Variants in TRPC5 observed in about 807,000 individuals in gnomAD.
The protein encoded by TRPC5 is transient receptor potential cation channel subfamily C member 5, also known as short transient receptor potential channel 5.
A neutral mutation model predicts 56.5 loss-of-function variants in TRPC5; 9 were observed. The ratio of observed to expected loss-of-function variants is 0.16; its 90% CI spans 0.10 to 0.28. The LOEUF (loss-of-function observed/expected upper bound fraction) is 0.28, where lower values mean the gene tolerates loss of function less well. TRPC5 is among the 10% of genes least tolerant of loss of function. The pLI is 1.00. For synonymous variants in TRPC5, 282 were observed against 278.5 expected, an observed-to-expected ratio of 1.01 and a Z score of -0.13; for missense variants, 469 against 748.9, an observed-to-expected ratio of 0.63 and a Z score of 4.36.
intron 7 of TRPC5, among the ~76,000 whole-genome samples, chrX:111,794,057 G>C (rs375808798): frequency 9.0e-6 from 1 of 111,601 alleles, no homozygotes; most frequent in Admixed American, 9.5e-5. Context: ...AGCAGGAGAA[G>C]GGAATAGGGG....
At chrX:111,794,953 T>C (rs1037054417) in intron 7 of TRPC5, among the ~76,000 whole-genome samples, 2 of 111,676 alleles carry the variant, frequency 1.8e-5, no homozygotes, top group African/African-American at 6.5e-5. Flanking sequence ...TTACCAATGA[T>C]TTATTGCTAG....
intron 1 of TRPC5, among the ~76,000 whole-genome samples, chrX:112,001,397 C>A (rs112685088): frequency 0.04 from 4,516 of 111,744 alleles, 94 homozygotes; most frequent in African/African-American, 0.073. Flanking sequence ...GTGAGAATTA[C>A]ATAAGTTAAG....
chrX:112,058,806 T>A (rs1930396763), intron 1 of TRPC5, among the ~76,000 whole-genome samples: 1 of 111,907 alleles, frequency 8.9e-6, no homozygotes, highest in South Asian at 3.8e-4. Flanking sequence ...TCTTTTTGAG[T>A]ACTCATTACA....
At chrX:111,912,861 G>A (rs769719458) in intron 2 of TRPC5, 49 bp from the exon 3 acceptor site, 2 of 1,144,346 alleles carry the variant, frequency 1.7e-6, no homozygotes, top group Non-Finnish European at 2.3e-6. Context: ...AAAGTTTGGA[G>A]AGAGAAGCAT....
chrX:111,830,951 C>G (rs971103417), intron 7 of TRPC5, among the ~76,000 whole-genome samples: 1 of 112,347 alleles, frequency 8.9e-6, no homozygotes, highest in African/African-American at 3.2e-5. Context: ...ATCCCTTTTG[C>G]CACATAATAC....
intron 7 of TRPC5, among the ~76,000 whole-genome samples, chrX:111,784,369 C>T (rs960142172): frequency 1.8e-5 from 2 of 111,908 alleles, no homozygotes; most frequent in East Asian, 2.8e-4. Context: ...ACTCATAGAA[C>T]GTGAGAAAAT....
At chrX:111,858,247 C>T (rs915195734) in intron 3 of TRPC5, among the ~76,000 whole-genome samples, 2 of 111,443 alleles carry the variant, frequency 1.8e-5, no homozygotes, top group Non-Finnish European at 1.9e-5. Context: ...CTAGTCGATT[C>T]TAAGAACGCC....
intron 1 of TRPC5, among the ~76,000 whole-genome samples, chrX:112,006,306 A>G (rs1439488666): frequency 1.8e-5 from 2 of 112,098 alleles, no homozygotes; most frequent in African/African-American, 6.5e-5. Flanking sequence ...AGTGACTTTT[A>G]GAACTACTCA....
chrX:111,906,007 G>A (rs1237498076), intron 3 of TRPC5, among the ~76,000 whole-genome samples: 1 of 110,177 alleles, frequency 9.1e-6, no homozygotes, highest in Non-Finnish European at 1.9e-5. Context: ...AGGTGGACAA[G>A]GGGGCCACAG....
rs138628181 is a variant in TRPC5, at chrX:111,943,426, G to C, written c.378+8617C>G. The stretch of plus-strand genomic sequence containing the variant: ...TCAGTCTGAGACAAAAAAACAGATA[G>C]GAGGAGTAAATGAAGTGTCCTGTTG... On this transcript the variant is annotated intron_variant, in intron 2 of 10. Transcript: ENST00000262839. 6.5e-3 allele frequency among the ~76,000 whole-genome samples: 729 copies of C among 111,919 alleles called. 4 individuals are homozygous for C. The highest frequency in any genetic ancestry group is 0.023 in the African/African-American group (699 of 30,787).
chrX:111,829,707 G>A (rs1050962782), intron 7 of TRPC5, among the ~76,000 whole-genome samples: 1 of 112,828 alleles, frequency 8.9e-6, no homozygotes, highest in African/African-American at 3.2e-5. Context: ...TTGGTCCTGT[G>A]GGTGGGCAGA....
intron 1 of TRPC5, among the ~76,000 whole-genome samples, chrX:111,959,511 T>C (rs914452450): frequency 8.1e-5 from 9 of 111,467 alleles, no homozygotes; most frequent in Non-Finnish European, 1.5e-4. Context: ...ACAAAAAATA[T>C]ATGACATATA....
At chrX:112,073,208 G>A (rs1930756698) in intron 1 of TRPC5, among the ~76,000 whole-genome samples, 1 of 111,165 alleles carries the variant, frequency 9.0e-6, no homozygotes, top group Admixed American at 9.5e-5. Flanking sequence ...ATCTGCTTTT[G>A]TCTCTCTTCT....
intron 7 of TRPC5, among the ~76,000 whole-genome samples, chrX:111,790,986 C>T (rs780421041): frequency 3.4e-5 from 3 of 88,221 alleles, no homozygotes; most frequent in Admixed American, 2.8e-4. Flanking sequence ...CACCACTGCA[C>T]TCCAACCTGG....
intron 3 of TRPC5, among the ~76,000 whole-genome samples, chrX:111,856,832 A>G (rs1192361406): frequency 9.2e-6 from 1 of 108,313 alleles, no homozygotes; most frequent in Admixed American, 1.0e-4. Context: ...AAAAAAAAAA[A>G]AAAACCATAG....
intron 3 of TRPC5, chrX:111,903,367 A>G (rs1357671860): frequency 1.8e-5 from 2 of 112,307 alleles, no homozygotes; most frequent in Non-Finnish European, 3.8e-5. Context: ...AAATTAATAA[A>G]TTGTCAACAG....
At chrX:111,986,316 G>T (rs1199722167) in intron 1 of TRPC5, among the ~76,000 whole-genome samples, 2 of 99,903 alleles carry the variant, frequency 2.0e-5, no homozygotes, top group Non-Finnish European at 4.5e-5. Context: ...TCAACTTTAT[G>T]TTCCAGGTAC....
intron 1 of TRPC5, among the ~76,000 whole-genome samples, chrX:112,080,540 G>A (rs190159744): frequency 5.4e-5 from 6 of 110,706 alleles, no homozygotes; most frequent in African/African-American, 1.6e-4. Context: ...TTCTTCCTTC[G>A]ACCTCACAGA....
chrX:111,898,581 C>T (rs1925184330), intron 3 of TRPC5, among the ~76,000 whole-genome samples: 1 of 110,026 alleles, frequency 9.1e-6, no homozygotes, highest in Admixed American at 9.8e-5. Context: ...ACTATGCTGG[C>T]AAGCACTCTT....
Sources: allele counts gnomAD v4.1 joint callset (sites outside exome capture counted in the v4.1 genomes callset), GRCh38; gene constraint gnomAD v4.1.1; transcripts MANE v1.5; gene names NCBI Gene and HGNC (gene_info 2026-07-23, HGNC 2026-07-21).